DMD: variants seen among roughly 807,000 people sequenced by gnomAD.
DMD encodes mutant dystrophin.
In DMD, 63 loss-of-function variants were observed where a neutral mutation model predicts 330.1. The ratio of observed to expected loss-of-function variants is 0.19; its 90% CI spans 0.16 to 0.24. DMD has a LOEUF of 0.24. Ranked by LOEUF, DMD falls within the 10% of genes least tolerant of loss-of-function variation. The probability of loss-of-function intolerance (pLI) is 1.00; values close to 1 mark genes in which losing one functional copy is unlikely to be tolerated. For missense variants in DMD, 3,344 were observed against 2,684.1 expected, an observed-to-expected ratio of 1.25 and a Z score of -5.43; for synonymous variants, 1,223 against 959.8, an observed-to-expected ratio of 1.27 and a Z score of -5.07.
intron 1 of DMD, among the ~76,000 whole-genome samples, chrX:33,234,432 T>G (rs896222770): frequency 1.8e-5 from 2 of 109,881 alleles, no homozygotes; most frequent in Non-Finnish European, 3.8e-5. Flanking sequence ...GAGAAGAAAA[T>G]TTTTCACACC....
intron 32 of DMD, among the ~76,000 whole-genome samples, chrX:32,388,469 TTAAAG>T (rs2097976119): frequency 9.2e-6 from 1 of 108,412 alleles, no homozygotes; most frequent in South Asian, 3.9e-4. Flanking sequence ...GTGAGAATAA[TTAAAG>T]TAATTATACC....
intron 15 of DMD, among the ~76,000 whole-genome samples, chrX:32,570,195 G>A (rs1015367121): frequency 1.8e-5 from 2 of 111,344 alleles, no homozygotes; most frequent in South Asian, 3.8e-4. Flanking sequence ...TTAGCACAGT[G>A]TATCTATACC....
At chrX:31,804,403 T>C (rs781553467) in intron 50 of DMD, among the ~76,000 whole-genome samples, 29 of 111,470 alleles carry the variant, frequency 2.6e-4, no homozygotes, top group Non-Finnish European at 3.0e-4. Flanking sequence ...ACTTCTTTAG[T>C]TTAGGTCATT....
intron 7 of DMD, among the ~76,000 whole-genome samples, chrX:32,730,803 C>A (rs957341732): frequency 9.0e-6 from 1 of 111,647 alleles, no homozygotes; most frequent in Non-Finnish European, 1.9e-5. Context: ...ATGGGAGATA[C>A]AGAAAATTTT....
chrX:33,062,761 GC>G (rs1374176242), intron 1 of DMD, among the ~76,000 whole-genome samples: 5 of 112,826 alleles, frequency 4.4e-5, no homozygotes, highest in Non-Finnish European at 7.5e-5. Context: ...ACAGGCGTGC[GC>G]CATTGAGCCT....
chrX:32,844,679 A>C, intron 4 of DMD, 104 bp downstream of exon 4: 3 of 689,009 alleles, frequency 4.4e-6, no homozygotes, highest in South Asian at 2.2e-5. Flanking sequence ...TCTGATTTAC[A>C]AGAGAATTTG....
intron 24 of DMD, 67 bp from the exon 25 acceptor site, chrX:32,463,661 G>A (rs1357565869): frequency 1.0e-6 from 1 of 954,813 alleles, no homozygotes; most frequent in Non-Finnish European, 1.4e-6. Flanking sequence ...ATGAAACATA[G>A]CTAGAAAATG....
In DMD at chrX:32,494,483, G is replaced by A. The variant is rs746282431; in HGVS notation, c.2381-2965C>T. Among the ~76,000 whole-genome samples, 140 of 111,069 alleles carry A rather than the reference G, an allele frequency of 1.3e-3. 1 individual carries two copies. Among genetic ancestry groups the A allele is most frequent in the African/African-American group, 4.4e-3 (136 of 30,604 alleles). On this transcript the variant is annotated intron_variant, in intron 19 of 78. Coordinates refer to ENST00000357033, the MANE Select transcript of DMD (RefSeq NM_004006.3). ...AGTTCAAATTTGATGCCCCTTACTA[G>A]ATGTGTGAAATGGGTTCAGTTACTT...
chrX:32,642,995 A>G (rs12838600), intron 11 of DMD, among the ~76,000 whole-genome samples: 1 of 111,609 alleles, frequency 9.0e-6, no homozygotes, highest in African/African-American at 3.3e-5. Flanking sequence ...AAGGCAGCTT[A>G]TATCTTAATA....
chrX:32,824,845 T>C (rs1314600608), intron 4 of DMD, among the ~76,000 whole-genome samples: 3 of 111,847 alleles, frequency 2.7e-5, no homozygotes, highest in Non-Finnish European at 3.8e-5. Context: ...ATATCGTATT[T>C]TAGTTTTATA....
intron 21 of DMD, among the ~76,000 whole-genome samples, chrX:32,483,820 C>CAAAAAAAAAAAA (rs770119472): frequency 1.9e-4 from 7 of 37,238 alleles, no homozygotes; most frequent in East Asian, 1.0e-3. Flanking sequence ...CTCTGAAGTA[C>CAAAAAAAAAAAA]AAAAAAAAAA....
intron 41 of DMD, among the ~76,000 whole-genome samples, chrX:32,331,484 A>G (rs1049134598): frequency 2.5e-4 from 28 of 111,760 alleles, no homozygotes; most frequent in African/African-American, 8.7e-4. Flanking sequence ...ATATTTCTGA[A>G]AAATATATTA....
intron 72 of DMD, among the ~76,000 whole-genome samples, 171 bp from the exon 73 acceptor site, chrX:31,172,584 A>G (rs1602361555): frequency 8.9e-6 from 1 of 112,255 alleles, no homozygotes; most frequent in East Asian, 2.8e-4. Flanking sequence ...AGTGTGTGGT[A>G]GACCACAGCT....
In DMD at chrX:32,454,984, T is replaced by A. The variant is rs866785020; in HGVS notation, c.3433-152A>T. The stretch of plus-strand genomic sequence containing the variant: ...TGCATAAGAAAATAACTCATGGGGA[T>A]CAGATACACTCAATTTCCCATAAGT... On this transcript the variant is annotated intron_variant, in intron 25 of 78. Transcript: ENST00000357033. 9 of 563,186 alleles carry A rather than the reference T, an allele frequency of 1.6e-5. No homozygotes were observed. In the Middle Eastern group the frequency reaches 1.3e-3, roughly 83 times the overall value. 46.4% of individuals were successfully genotyped at this position (563,186 alleles called of 1,213,427 possible). A position where few individuals can be genotyped will look rare whatever the true frequency, so the allele number is the denominator to read the frequency against.
intron 3 of DMD, among the ~76,000 whole-genome samples, chrX:32,846,907 C>G (rs757222407): frequency 1.9e-5 from 2 of 108,046 alleles, no homozygotes; most frequent in Non-Finnish European, 3.8e-5. Flanking sequence ...CTTGGGAGGC[C>G]GAGGCAGGAA....
intron 25 of DMD, among the ~76,000 whole-genome samples, chrX:32,456,194 C>T (rs1396147318): frequency 9.1e-6 from 1 of 110,332 alleles, no homozygotes; most frequent in Non-Finnish European, 1.9e-5. Context: ...ATTGATTTTC[C>T]TTATAATTTA....
chrX:32,278,049 A>T (rs1482017183), intron 43 of DMD, among the ~76,000 whole-genome samples: 1 of 111,546 alleles, frequency 9.0e-6, no homozygotes, highest in Admixed American at 9.6e-5. Context: ...GGTAAACAAA[A>T]TTGACAAATC....
At chrX:32,828,724 A>T (rs931362715) in intron 4 of DMD, among the ~76,000 whole-genome samples, 10 of 110,404 alleles carry the variant, frequency 9.1e-5, no homozygotes, top group African/African-American at 3.3e-4. Flanking sequence ...GCCTTCCTAG[A>T]AACAATTTAG....
At chrX:32,125,607 A>T (rs2096658138) in intron 44 of DMD, among the ~76,000 whole-genome samples, 1 of 112,145 alleles carries the variant, frequency 8.9e-6, no homozygotes, top group Non-Finnish European at 1.9e-5. Context: ...TAGTTAGGTT[A>T]AATCAGGAAC....
Sources: gnomAD v4.1 joint callset for allele counts (sites outside exome capture counted in the v4.1 genomes callset) on GRCh38, gnomAD v4.1.1 for gene constraint, MANE v1.5 for transcripts, NCBI Gene and HGNC (gene_info 2026-07-23, HGNC 2026-07-21) for gene names.